Variants in MIAT observed in about 807,000 individuals in gnomAD.
MIAT encodes the protein MI related novel mRNA.
chr22:26,666,846 C>G, exon 4 of MIAT: 1 of 398,822 alleles, frequency 2.5e-6, no homozygotes, highest in Non-Finnish European at 4.4e-6. Context: ...GTGGTTGGCT[C>G]TTTTGTCTTC....
chr22:26,669,532 G>T, exon 6 of MIAT: 2 of 398,492 alleles, frequency 5.0e-6, no homozygotes, highest in South Asian at 2.6e-4. Flanking sequence ...TTAAACCTAT[G>T]ACCTCATTTA....
chr22:26,659,323 G>T (rs966648402), intron 2 of MIAT, among the ~76,000 whole-genome samples: 7 of 152,156 alleles, frequency 4.6e-5, no homozygotes, highest in African/African-American at 1.4e-4. Context: ...TTAATTTCAT[G>T]TTGAAAGCAT....
exon 3 of MIAT, chr22:26,663,333 C>T (rs1930735166): frequency 2.5e-6 from 1 of 398,654 alleles, no homozygotes; most frequent in East Asian, 3.6e-5. Context: ...CATCTGTCCA[C>T]CCATGTGGTT....
intron 2 of MIAT, among the ~76,000 whole-genome samples, chr22:26,656,841 G>C (rs1055293700): frequency 2.0e-5 from 3 of 152,234 alleles, no homozygotes; most frequent in South Asian, 2.1e-4. Flanking sequence ...CAGGAGTTCG[G>C]GGGGGTGCGG....
At chr22:26,663,370 A>AC in exon 3 of MIAT, 1 of 398,514 alleles carries the variant, frequency 2.5e-6, no homozygotes, top group East Asian at 3.6e-5. Flanking sequence ...GGCCACCATG[A>AC]CCCCGTCGGC....
At chr22:26,670,051 T>A (rs2146018027), downstream of MIAT, 1 of 356,120 alleles carries the variant, frequency 2.8e-6, no homozygotes, top group East Asian at 3.8e-5. Context: ...ACTTAGGGTT[T>A]ATCTATTTTT....
intron 2 of MIAT, among the ~76,000 whole-genome samples, chr22:26,654,812 C>T (rs1163316300): frequency 1.3e-5 from 2 of 152,022 alleles, no homozygotes; most frequent in South Asian, 2.1e-4. Context: ...CCTGGGTTCA[C>T]GCCATTCTCC....
exon 6 of MIAT, chr22:26,669,025 C>T: frequency 2.5e-6 from 1 of 398,582 alleles, no homozygotes; most frequent in Non-Finnish European, 4.4e-6. Context: ...GTCACCTTAG[C>T]CCAGTCTCAG....
chr22:26,665,598 C>T, exon 4 of MIAT: 1 of 398,886 alleles, frequency 2.5e-6, no homozygotes, highest in Non-Finnish European at 4.4e-6. Flanking sequence ...CGTTCACAAC[C>T]ACACTGAGAA....
downstream of MIAT, chr22:26,672,856 C>G (rs1265881090): frequency 1.3e-5 from 5 of 398,464 alleles, no homozygotes; most frequent in Non-Finnish European, 2.2e-5. Context: ...AGAAACATTT[C>G]TCATATTTGA....
chr22:26,667,333 A>AGTGTGTGTGTGTGT (rs61442362), intron 5 of MIAT: 33 of 390,928 alleles, frequency 8.4e-5, no homozygotes, highest in African/African-American at 4.0e-4. Flanking sequence ...TCCTGGGAGC[A>AGTGTGTGTGTGTGT]GTGTGTGTGT....
At chr22:26,674,815 A>C (rs1256023025) in exon 5 of MIAT, 1 of 398,544 alleles carries the variant, frequency 2.5e-6, no homozygotes, top group East Asian at 3.6e-5. Context: ...CTCTTTGTTT[A>C]ACTGCAAAGA....
chr22:26,667,053 C>A, intron 4 of MIAT: 1 of 387,038 alleles, frequency 2.6e-6, no homozygotes, highest in South Asian at 1.4e-4. Flanking sequence ...CGCTCCTGCT[C>A]ATGAGAAGAT....
downstream of MIAT, chr22:26,670,572 A>G (rs7985): frequency 0.42 from 165,259 of 388,894 alleles, 36,727 homozygotes; most frequent in South Asian, 0.49. Flanking sequence ...GAAATTCTTA[A>G]AGTAACTTCT....
intron 2 of MIAT, among the ~76,000 whole-genome samples, chr22:26,655,007 C>G (rs1020191241): frequency 6.6e-6 from 1 of 152,204 alleles, no homozygotes; most frequent in Non-Finnish European, 1.5e-5. Context: ...CTGCTGCGCC[C>G]GGCCAAAACA....
chr22:26,670,128 C>T, downstream of MIAT: 1 of 396,274 alleles, frequency 2.5e-6, no homozygotes, highest in Non-Finnish European at 4.4e-6. Flanking sequence ...TCTGATTAGC[C>T]CTTCCCTACC....
intron 3 of MIAT, chr22:26,665,523 A>G (rs887618954): frequency 5.0e-6 from 2 of 398,710 alleles, no homozygotes; most frequent in Admixed American, 8.8e-5. Flanking sequence ...TCCAGGGTCT[A>G]TTTACAGAGA....
chr22:26,655,997 T>TTTTTG (rs1930430122), intron 2 of MIAT: 1 of 153,238 alleles, frequency 6.5e-6, no homozygotes, highest in Admixed American at 6.6e-5. Context: ...CTGAATTGTA[T>TTTTTG]TTTTCTTTTC....
At chr22:26,672,579 G>C (rs977927982), downstream of MIAT, 4 of 399,078 alleles carry the variant, frequency 1.0e-5, no homozygotes, top group African/African-American at 6.2e-5. Flanking sequence ...CTGAGCTTTT[G>C]TGTCCTCTGG....
Sources: gnomAD v4.1 joint callset for allele counts (sites outside exome capture counted in the v4.1 genomes callset) on GRCh38, gnomAD v4.1.1 for gene constraint, MANE v1.5 for transcripts, NCBI Gene and HGNC (gene_info 2026-07-23, HGNC 2026-07-21) for gene names.